The following DNAH14 variants were observed in gnomAD, a reference collection of about 807,000 sequenced individuals.
DNAH14 encodes dynein axonemal heavy chain 14.
DNAH14 carries 478 observed loss-of-function variants against 520.9 expected under a neutral mutation model. That is an observed-to-expected ratio of 0.92 (90% CI 0.85 to 0.99). DNAH14 has a LOEUF of 0.99. Ranked by LOEUF, DNAH14 falls within the 50% of genes least tolerant of loss-of-function variation. The pLI is 0.00. For missense variants in DNAH14, 4,831 were observed against 5,234.5 expected, an observed-to-expected ratio of 0.92 and a Z score of 2.38; for synonymous variants, 1,581 against 1,757.2, an observed-to-expected ratio of 0.90 and a Z score of 2.51.
At chr1:224,987,148 CAGA>C (rs1205236936) in intron 8 of DNAH14, among the ~76,000 whole-genome samples, 3 of 151,700 alleles carry the variant, frequency 2.0e-5, no homozygotes, top group Non-Finnish European at 4.4e-5. Context: ...GAGACAGAGA[CAGA>C]GACAGACCTG....
At chr1:225,147,326 A>AT (rs71657759) in intron 31 of DNAH14, 77 bp downstream of exon 31, 105,861 of 1,356,144 alleles carry the variant, frequency 0.078, 13,118 homozygotes, top group African/African-American at 0.52. Flanking sequence ...ATTGTTAAAT[A>AT]TTTTCCCCAA....
intron 71 of DNAH14, among the ~76,000 whole-genome samples, chr1:225,347,717 G>T (rs1574951130): frequency 6.6e-6 from 1 of 152,212 alleles, no homozygotes; most frequent in East Asian, 1.9e-4. Context: ...GATTGGTGAG[G>T]GTTTTCCCCT....
At chr1:225,147,061 A>T (rs1436269275) in intron 30 of DNAH14, 43 bp from the exon 31 acceptor site, 9 of 1,424,696 alleles carry the variant, frequency 6.3e-6, no homozygotes, top group African/African-American at 2.9e-5. Flanking sequence ...TTTTCTCACC[A>T]TTATAATAAT....
At chr1:224,994,915 C>G (rs1252336518) in intron 8 of DNAH14, among the ~76,000 whole-genome samples, 1 of 152,026 alleles carries the variant, frequency 6.6e-6, no homozygotes, top group Admixed American at 6.6e-5. Flanking sequence ...GATAACTTAA[C>G]TTTGATTGCA....
At chr1:225,090,112 C>T (rs1473615174) in intron 21 of DNAH14, among the ~76,000 whole-genome samples, 1 of 152,092 alleles carries the variant, frequency 6.6e-6, no homozygotes, top group Non-Finnish European at 1.5e-5. Context: ...TTGCAGGATA[C>T]ATGATTAGTA....
intron 35 of DNAH14, among the ~76,000 whole-genome samples, chr1:225,166,705 G>A (rs2082077453): frequency 6.6e-6 from 1 of 152,170 alleles, no homozygotes; most frequent in Admixed American, 6.5e-5. Context: ...TTACATATCT[G>A]TCTCTAACAC....
At chr1:224,952,814 TA>T (rs764949097) in intron 2 of DNAH14, 35 bp downstream of exon 2, 1 of 1,496,118 alleles carries the variant, frequency 6.7e-7, no homozygotes, top group Non-Finnish European at 9.0e-7. Flanking sequence ...AGTTTTTTTC[TA>T]AAGTAAGATT....
At chr1:224,978,769 C>T (rs80340940) in intron 8 of DNAH14, among the ~76,000 whole-genome samples, 6,365 of 152,086 alleles carry the variant, frequency 0.042, 203 homozygotes, top group Non-Finnish European at 0.064. Context: ...CTCCTGAATA[C>T]CTGGGGCTAC....
chr1:225,398,803 T>C lies in DNAH14; in HGVS notation c.13638+137T>C, dbSNP rs1483668188. ...ATACTCAGACAACAAAGATTTTAAA[T>C]CTCCCAAAATATTACTAAAATCTAA... On this transcript the variant is annotated intron_variant, in intron 85 of 85. Coordinates refer to ENST00000682510, the MANE Select transcript of DNAH14 (RefSeq NM_001367479.1). The C allele has an allele frequency of 1.1e-5, 14 of 1,255,958 alleles. No individual in the cohort carries two copies. In the Admixed American group the frequency reaches 4.0e-4, roughly 36 times the overall value. The allele number at this position is 1,255,958 out of a possible 1,614,324, so 77.8% of individuals were successfully genotyped here. A position where few individuals can be genotyped will look rare whatever the true frequency, so the allele number is the denominator to read the frequency against.
At chr1:225,082,029 G>A (rs555541234) in intron 19 of DNAH14, among the ~76,000 whole-genome samples, 3 of 152,178 alleles carry the variant, frequency 2.0e-5, no homozygotes, top group East Asian at 3.9e-4. Flanking sequence ...ACAGCACTTG[G>A]GGAGGCTGAG....
At chr1:225,089,258 A>G (rs573584825) in intron 21 of DNAH14, among the ~76,000 whole-genome samples, 45 of 152,188 alleles carry the variant, frequency 3.0e-4, no homozygotes, top group African/African-American at 1.0e-3. Context: ...AACCTGGCCA[A>G]CATGGTGAAA....
rs1221215456 is a variant in DNAH14 at position 225,346,485 on chromosome 1, T to C, written c.11127T>C (p.Asp3709=). The stretch of plus-strand genomic sequence containing the variant: ...TTTCTTCAGCTCTATTTAATGAAGA[T>C]AAACTTTGCTTCTCTTTTCGGCTTT... ...KVVSSALFNE[D]KLCFSFRLCT... Residue 3709 remains aspartate, a synonymous_variant, in exon 71 of 86, where the codon GAT becomes GAC. Coordinates refer to ENST00000682510, the MANE Select transcript of DNAH14 (RefSeq NM_001367479.1). 2.6e-6 allele frequency: 4 copies of C among 1,550,892 alleles called. No homozygotes were observed. Among genetic ancestry groups the C allele is most frequent in the East Asian group, 4.9e-5 (2 of 40,870 alleles).
chr1:225,283,597 A>G (rs868247406), intron 54 of DNAH14, among the ~76,000 whole-genome samples: 1 of 152,166 alleles, frequency 6.6e-6, no homozygotes, highest in Non-Finnish European at 1.5e-5. Flanking sequence ...GGACACTTCA[A>G]TACCTTCACT....
In DNAH14 at chr1:225,124,465, A is replaced by G. The variant is rs188849922; in HGVS notation, c.4254+851A>G. On this transcript the variant is annotated intron_variant, in intron 27 of 85. Coordinates refer to ENST00000682510, the MANE Select transcript of DNAH14 (RefSeq NM_001367479.1). The stretch of plus-strand genomic sequence containing the variant: ...TACTAAATCCTTTTTTGTCATTTCA[A>G]TAATGTTCACAGCAACTTCATCAGG... 2.0e-5 allele frequency among the ~76,000 whole-genome samples: 3 copies of G among 152,352 alleles called. No homozygotes were observed. The East Asian group carries it at 5.8e-4, about 29-fold the overall frequency.
intron 15 of DNAH14, among the ~76,000 whole-genome samples, chr1:225,047,121 T>C (rs1402089865): frequency 6.6e-6 from 1 of 152,186 alleles, no homozygotes; most frequent in Non-Finnish European, 1.5e-5. Context: ...CTAGAAAATA[T>C]ATGTATGTAT....
intron 1 of DNAH14, among the ~76,000 whole-genome samples, chr1:224,939,840 T>C (rs2059293648): frequency 6.6e-6 from 1 of 152,216 alleles, no homozygotes; most frequent in South Asian, 2.1e-4. Flanking sequence ...TCTTGCTGAA[T>C]TGTAATTCCT....
At chr1:224,970,657 G>T (rs965892725) in intron 7 of DNAH14, among the ~76,000 whole-genome samples, 5 of 152,112 alleles carry the variant, frequency 3.3e-5, no homozygotes, top group Non-Finnish European at 5.9e-5. Context: ...AGGGAATATA[G>T]AAAAGAACCT....
rs183450076 is a variant in DNAH14, at chr1:225,368,701, A to T, written c.12318+669A>T. ...ATTCATTTATATAATACAACAATTT[A>T]AAAAAAAAACTTTCTGAGGAAAATC... On this transcript the variant is annotated intron_variant, in intron 77 of 85. Coordinates refer to ENST00000682510, the MANE Select transcript of DNAH14 (RefSeq NM_001367479.1). Among the ~76,000 whole-genome samples, 529 of 149,716 alleles carry T rather than the reference A, an allele frequency of 3.5e-3. 14 individuals are homozygous for T. The highest frequency in any genetic ancestry group is 0.03 in the Admixed American group (444 of 14,996).
intron 35 of DNAH14, among the ~76,000 whole-genome samples, chr1:225,167,571 A>T (rs927387406): frequency 2.6e-5 from 4 of 152,232 alleles, no homozygotes; most frequent in African/African-American, 9.6e-5. Context: ...TAATGATTAG[A>T]ATTACAAAAA....
Sources: allele counts gnomAD v4.1 joint callset (sites outside exome capture counted in the v4.1 genomes callset), GRCh38; gene constraint gnomAD v4.1.1; transcripts MANE v1.5; gene names NCBI Gene and HGNC (gene_info 2026-07-23, HGNC 2026-07-21).